Variants in LARP4B observed in about 807,000 individuals in gnomAD.
LARP4B encodes the protein La ribonucleoprotein 4B, also known as la-related protein 4B.
In LARP4B, 12 loss-of-function variants were observed where a neutral mutation model predicts 89.8. That is an observed-to-expected ratio of 0.13 (90% CI 0.09 to 0.22). LARP4B has a LOEUF of 0.22. Ranked by LOEUF, LARP4B falls within the 10% of genes least tolerant of loss-of-function variation. The pLI, the probability that LARP4B is intolerant of heterozygous loss-of-function variation, is 1.00. For synonymous variants in LARP4B, 367 were observed against 363.3 expected, an observed-to-expected ratio of 1.01 and a Z score of -0.12; for missense variants, 757 against 947.7, an observed-to-expected ratio of 0.80 and a Z score of 2.64.
At chr10:865,626 A>G (rs1834861648) in intron 3 of LARP4B, among the ~76,000 whole-genome samples, 2 of 152,132 alleles carry the variant, frequency 1.3e-5, no homozygotes, top group Admixed American at 6.5e-5. Context: ...TAAACCCACA[A>G]AAGTCCCCCA....
At chr10:853,743 A>G (rs1258073259) in intron 5 of LARP4B, among the ~76,000 whole-genome samples, 1 of 152,248 alleles carries the variant, frequency 6.6e-6, no homozygotes, top group Non-Finnish European at 1.5e-5. Flanking sequence ...CTGAGCCTTC[A>G]GCAAATAATA....
At chr10:969,112 T>C in the LARP4B span, among the ~76,000 whole-genome samples, 1 of 152,076 alleles carries the variant, frequency 6.6e-6, no homozygotes, top group Admixed American at 6.6e-5. Flanking sequence ...TGAGGAATAG[T>C]GGAAGGAAAT....
At chr10:916,532 C>A (rs1017346112) in intron 1 of LARP4B, among the ~76,000 whole-genome samples, 1 of 152,180 alleles carries the variant, frequency 6.6e-6, no homozygotes, top group East Asian at 1.9e-4. Context: ...CCCATCTCTA[C>A]TAAAAATACA....
chr10:892,741 G>GT (rs1307120396), intron 1 of LARP4B, among the ~76,000 whole-genome samples: 2 of 151,748 alleles, frequency 1.3e-5, no homozygotes, highest in Non-Finnish European at 2.9e-5. Flanking sequence ...GGGTTTCACC[G>GT]TGTTAGCCAG....
At chr10:885,854 G>A (rs753504540) in intron 1 of LARP4B, 94 bp from the exon 2 acceptor site, 16 of 598,480 alleles carry the variant, frequency 2.7e-5, no homozygotes, top group South Asian at 2.3e-4. Context: ...CAGGACACAC[G>A]TTTATCCCTC....
the LARP4B span, among the ~76,000 whole-genome samples, chr10:966,397 A>G: frequency 6.6e-6 from 1 of 152,342 alleles, no homozygotes; most frequent in East Asian, 1.9e-4. Flanking sequence ...TTGAGGCTGC[A>G]GTGAGCCATG....
intron 1 of LARP4B, among the ~76,000 whole-genome samples, chr10:925,513 T>C (rs1405699046): frequency 1.3e-5 from 2 of 152,206 alleles, no homozygotes; most frequent in African/African-American, 4.8e-5. Flanking sequence ...TATGGCTATC[T>C]AAAAGGGGGC....
chr10:982,235 G>A, the LARP4B span, among the ~76,000 whole-genome samples: 1 of 151,294 alleles, frequency 6.6e-6, no homozygotes, highest in African/African-American at 2.4e-5. Flanking sequence ...CAGCCTACAG[G>A]TGCGTGTAAC....
chr10:949,888 G>A, the LARP4B span, among the ~76,000 whole-genome samples: 1 of 152,162 alleles, frequency 6.6e-6, no homozygotes, highest in Non-Finnish European at 1.5e-5. Flanking sequence ...GCTCTCTGCA[G>A]CCTCAGCCTT....
At chr10:871,268 C>A (rs953028763) in intron 3 of LARP4B, among the ~76,000 whole-genome samples, 4 of 152,302 alleles carry the variant, frequency 2.6e-5, no homozygotes, top group Admixed American at 2.6e-4. Context: ...TTCCTCTGTG[C>A]AGGTGAAAAT....
intron 1 of LARP4B, among the ~76,000 whole-genome samples, chr10:904,994 T>C (rs1836449747): frequency 6.6e-6 from 1 of 152,226 alleles, no homozygotes; most frequent in African/African-American, 2.4e-5. Flanking sequence ...TAAAACATTG[T>C]ATAAAAGTAC....
chr10:936,336 G>A (rs910242548), upstream of LARP4B, among the ~76,000 whole-genome samples: 6 of 152,016 alleles, frequency 3.9e-5, no homozygotes, highest in African/African-American at 1.4e-4. Context: ...ACTTAAGAAG[G>A]AACCAGAAAA....
chr10:862,275 A>AC (rs1179271035), intron 5 of LARP4B, among the ~76,000 whole-genome samples: 2 of 150,104 alleles, frequency 1.3e-5, no homozygotes, highest in Non-Finnish European at 3.0e-5. Context: ...AAAAAAAAAA[A>AC]AAAAAACAAC....
At chr10:947,932 T>C in the LARP4B span, among the ~76,000 whole-genome samples, 3 of 152,082 alleles carry the variant, frequency 2.0e-5, no homozygotes, top group Non-Finnish European at 4.4e-5. Flanking sequence ...CAATGAAATG[T>C]TTTTTAAATT....
the LARP4B span, among the ~76,000 whole-genome samples, chr10:959,390 CTCATCAAT>C: frequency 6.8e-6 from 1 of 146,976 alleles, no homozygotes; most frequent in Non-Finnish European, 1.5e-5. Flanking sequence ...ATCCCACCTC[CTCATCAAT>C]CCACCTCCCC....
chr10:967,581 G>A, the LARP4B span, among the ~76,000 whole-genome samples: 2 of 152,200 alleles, frequency 1.3e-5, no homozygotes, highest in Admixed American at 6.5e-5. Flanking sequence ...GACCCACAAA[G>A]CATGCCACGA....
chr10:824,626 A>G (rs1832526449), intron 13 of LARP4B, among the ~76,000 whole-genome samples: 1 of 152,260 alleles, frequency 6.6e-6, no homozygotes, highest in Non-Finnish European at 1.5e-5. Context: ...CAACCCTCCA[A>G]TGAGATGAGA....
intron 11 of LARP4B, among the ~76,000 whole-genome samples, chr10:826,283 G>A (rs976925548): frequency 1.3e-5 from 2 of 152,206 alleles, no homozygotes; most frequent in Admixed American, 6.5e-5. Flanking sequence ...AGGAGCACCT[G>A]CACACCCACT....
At chr10:813,852 A>T (rs1831873072) in intron 17 of LARP4B, among the ~76,000 whole-genome samples, 1 of 146,504 alleles carries the variant, frequency 6.8e-6, no homozygotes, top group Non-Finnish European at 1.5e-5. Context: ...CACAGGCTGG[A>T]GTGCAGCAGT....
Sources: gnomAD v4.1 joint callset for allele counts (sites outside exome capture counted in the v4.1 genomes callset) on GRCh38, gnomAD v4.1.1 for gene constraint, MANE v1.5 for transcripts, NCBI Gene and HGNC (gene_info 2026-07-23, HGNC 2026-07-21) for gene names.